The following DDX50 variants were observed in gnomAD, a reference collection of about 807,000 sequenced individuals.
DDX50 encodes the protein ATP-dependent RNA helicase DDX50.
In DDX50, 56 loss-of-function variants were observed where a neutral mutation model predicts 94.8. The ratio of observed to expected loss-of-function variants is 0.59; its 90% confidence interval spans 0.48 to 0.74. The LOEUF (loss-of-function observed/expected upper bound fraction) is 0.74, where lower values mean the gene tolerates loss of function less well. DDX50 is among the 30% of genes least tolerant of loss of function. DDX50 has a pLI of 0.00. For missense variants in DDX50, 713 were observed against 881.2 expected, an observed-to-expected ratio of 0.81 and a Z score of 2.42; for synonymous variants, 264 against 295.4, an observed-to-expected ratio of 0.89 and a Z score of 1.09.
Position 68,941,540 on chromosome 10 carries a change from C to G in DDX50, c.1890+346C>G, listed in dbSNP as rs578098489. 3.3e-5 allele frequency among the ~76,000 whole-genome samples: 5 copies of G among 152,290 alleles called. No homozygotes were observed. The South Asian group carries it at 1.0e-3, about 32-fold the overall frequency. Reference sequence around the variant, plus strand: ...GGTCTCACTATTTGCCCAGGCTGGTCTTGAACTCTGGGGCTCAAGTGATCC... The same window carrying G: ...GGTCTCACTATTTGCCCAGGCTGGTGTTGAACTCTGGGGCTCAAGTGATCC... On this transcript the variant is annotated intron_variant, in intron 13 of 14. Transcript: ENST00000373585.
At chr10:68,938,462 C>T (rs1175977324) in intron 12 of DDX50, among the ~76,000 whole-genome samples, 2 of 152,156 alleles carry the variant, frequency 1.3e-5, no homozygotes, top group Non-Finnish European at 2.9e-5. Flanking sequence ...TCTGTTATGT[C>T]TGAGTGGAGA....
chr10:68,908,196 A>G (rs561350716), intron 2 of DDX50, among the ~76,000 whole-genome samples: 1 of 152,288 alleles, frequency 6.6e-6, no homozygotes, highest in South Asian at 2.1e-4. Context: ...CACGCCTGTA[A>G]TCCCAGCACT....
intron 4 of DDX50, chr10:68,911,789 A>G (rs1841632255): frequency 6.6e-6 from 1 of 152,230 alleles, no homozygotes; most frequent in Non-Finnish European, 1.5e-5. Context: ...GAAGAGTATT[A>G]TAGAAATGAT....
intron 14 of DDX50, 62 bp downstream of exon 14, chr10:68,943,319 A>G: frequency 7.2e-7 from 1 of 1,393,662 alleles, no homozygotes; most frequent in Non-Finnish European, 9.9e-7. Flanking sequence ...AGATTGGGAT[A>G]TTTTGGGAAA....
At position 68,934,751 on chromosome 10, in the gene DDX50, C is replaced by A; in HGVS notation, c.1402-48C>A. The A allele has an allele frequency of 6.5e-7, 1 of 1,549,732 alleles. No individual in the cohort carries two copies. The highest frequency in any genetic ancestry group is 8.7e-7 in the Non-Finnish European group (1 of 1,155,294). On this transcript the variant is annotated intron_variant, in intron 9 of 14. Transcript: ENST00000373585. This position sits in a 1 kb window ranked among gnomAD's most constrained non-coding sequence, Gnocchi z 4.0. Reference sequence around the variant, plus strand: ...CATTATTATTTGGATTCCGGAATGACTGCAACTTGCTAGATTTTTAAAAAA... The same window carrying A: ...CATTATTATTTGGATTCCGGAATGAATGCAACTTGCTAGATTTTTAAAAAA...
chr10:68,915,544 C>T (rs567906095), intron 7 of DDX50, among the ~76,000 whole-genome samples: 2 of 151,950 alleles, frequency 1.3e-5, no homozygotes, highest in African/African-American at 2.4e-5. Flanking sequence ...GGCGATACCT[C>T]GTCTCTATTA....
At chr10:68,918,500 A>G (rs1841862160) in intron 7 of DDX50, among the ~76,000 whole-genome samples, 1 of 125,286 alleles carries the variant, frequency 8.0e-6, no homozygotes, top group Non-Finnish European at 1.6e-5. Flanking sequence ...CAGTGGCCTA[A>G]TTTTGGCTCA....
rs1841709662 is a variant in DDX50 at position 68,913,943 on chromosome 10, A to T, written c.944-116A>T. On this transcript the variant is annotated intron_variant, in intron 6 of 14. Coordinates refer to ENST00000373585, the MANE Select transcript of DDX50 (RefSeq NM_024045.2). ...ATTGCAATGAAGTCTGTGTGTTAAA[A>T]ATTCACCCCAAGTTTTACATTTTTC... 33 of 1,080,846 alleles carry T rather than the reference A, an allele frequency of 3.1e-5. No individual in the cohort carries two copies. The South Asian group carries it at 5.9e-4, about 19-fold the overall frequency. The allele number at this position is 1,080,846 out of a possible 1,614,324, so 67.0% of individuals were successfully genotyped here.
At chr10:68,944,011 C>T (rs1842608610) in intron 14 of DDX50, among the ~76,000 whole-genome samples, 1 of 152,182 alleles carries the variant, frequency 6.6e-6, no homozygotes, top group African/African-American at 2.4e-5. Context: ...CTGTGTCCAT[C>T]TACTTACCCA....
chr10:68,935,170 A>G (rs1842374649), intron 10 of DDX50, among the ~76,000 whole-genome samples: 1 of 122,562 alleles, frequency 8.2e-6, no homozygotes, highest in African/African-American at 3.2e-5. Flanking sequence ...TCAGAAGTGC[A>G]TTGTGATTTC....
chr10:68,945,840 C>T (rs776532186), intron 14 of DDX50, among the ~76,000 whole-genome samples: 13 of 152,242 alleles, frequency 8.5e-5, no homozygotes, highest in South Asian at 8.3e-4. Flanking sequence ...CTGAAAACAA[C>T]GCACTACTTA....
Position 68,910,955 on chromosome 10 carries a change from G to A in DDX50, c.461-113G>A, listed in dbSNP as rs987274343. 26 of 753,964 alleles carry A rather than the reference G, an allele frequency of 3.4e-5. 1 individual carries two copies. The South Asian group carries it at 1.0e-3, about 30-fold the overall frequency. 46.7% of individuals were successfully genotyped at this position (753,964 alleles called of 1,614,324 possible). ...TGTGGTAGGAATAACTGTGTCACCA[G>A]GTGGCATGTCTTTAGGCAGACATAG... On this transcript the variant is annotated intron_variant, in intron 3 of 14. Transcript: ENST00000373585.
In DDX50 at chr10:68,917,905, C is replaced by G. The variant is rs141247490; in HGVS notation, c.1090-1927C>G. 2.3e-3 allele frequency among the ~76,000 whole-genome samples: 349 copies of G among 151,648 alleles called. 1 individual carries two copies. The highest frequency in any genetic ancestry group is 8.1e-3 in the African/African-American group (333 of 41,242). On this transcript the variant is annotated intron_variant, in intron 7 of 14. Coordinates refer to ENST00000373585, the MANE Select transcript of DDX50 (RefSeq NM_024045.2). ...GGTGTGAGCCACTGTACCTGGCCTC[C>G]CCGTAAGTATTTTAACATACATATC...
chr10:68,946,459 C>G lies in DDX50; in HGVS notation c.2043C>G (p.Gly681=), dbSNP rs1047185181. The G allele has an allele frequency of 1.2e-6, 2 of 1,614,188 alleles. No individual in the cohort carries two copies. Among genetic ancestry groups the G allele is most frequent in the African/African-American group, 1.3e-5 (1 of 75,056 alleles). The change falls in exon 15 of 15, where the codon GGC becomes GGG. Residue 681 remains glycine (G), a synonymous_variant. Coordinates refer to ENST00000373585, the MANE Select transcript of DDX50 (RefSeq NM_024045.2). The part of the protein sequence containing the change: ...NTSSNSRQRS[G]WSSGRSGRSG... The stretch of plus-strand genomic sequence containing the variant: ...CTTCTAATTCCAGACAGAGGAGTGG[C>G]TGGTCAAGTGGTCGATCAGGCCGGT...
At chr10:68,921,697 A>G (rs1841944380) in intron 8 of DDX50, among the ~76,000 whole-genome samples, 1 of 152,200 alleles carries the variant, frequency 6.6e-6, no homozygotes, top group Non-Finnish European at 1.5e-5. Flanking sequence ...TGGAAACAGT[A>G]TCGCCTATTG....
chr10:68,938,638 G>A (rs1462564060), intron 12 of DDX50, among the ~76,000 whole-genome samples: 1 of 152,206 alleles, frequency 6.6e-6, no homozygotes, highest in Non-Finnish European at 1.5e-5. Flanking sequence ...CTTATTTGGT[G>A]TAGCACAAAT....
Position 68,943,233 on chromosome 10 carries a change from T to C in DDX50, c.1911T>C (p.Pro637=). 1 of 1,608,700 alleles carries C rather than the reference T, an allele frequency of 6.2e-7. No homozygotes were observed. The highest frequency in any genetic ancestry group is 8.5e-7 in the Non-Finnish European group (1 of 1,178,412). ...TTTAGGGTGTTTGCTTTGATGTTCC[T>C]ACAACTGAGTCAGAAAGGTTACAGG... ...KGNMGVCFDV[P]TTESERLQAE... is the part of the protein sequence containing the mutation. The change falls in exon 14 of 15, where the codon CCT becomes CCC. Residue 637 remains proline, a synonymous_variant. Coordinates refer to ENST00000373585, the MANE Select transcript of DDX50 (RefSeq NM_024045.2).
chr10:68,943,274 A>G lies in DDX50; in HGVS notation c.1935+17A>G. 2 of 1,593,320 alleles carry G rather than the reference A, an allele frequency of 1.3e-6. No homozygotes were observed. The highest frequency in any genetic ancestry group is 1.7e-6 in the Non-Finnish European group (2 of 1,169,898). ...AGGTTACAGGTATTTTTAAAATTTTATCTTTTAAATGGTTGAGTACATTCT... is the reference window on the plus strand; with the variant it reads ...AGGTTACAGGTATTTTTAAAATTTTGTCTTTTAAATGGTTGAGTACATTCT... On this transcript the variant is annotated intron_variant, in intron 14 of 14. Coordinates refer to ENST00000373585, the MANE Select transcript of DDX50 (RefSeq NM_024045.2).
intron 1 of DDX50, 117 bp from the exon 2 acceptor site, chr10:68,906,594 G>T: frequency 8.7e-7 from 1 of 1,146,996 alleles, no homozygotes; most frequent in Non-Finnish European, 1.3e-6. Context: ...TACCAGGCAG[G>T]TTTTCAAAGT....
Sources: gnomAD v4.1 joint callset for allele counts (sites outside exome capture counted in the v4.1 genomes callset) on GRCh38, gnomAD v4.1.1 for gene constraint, Gnocchi (gnomAD v3.1) non-coding constraint, MANE v1.5 for transcripts, NCBI Gene and HGNC (gene_info 2026-07-23, HGNC 2026-07-21) for gene names.